The following CCDC40 variants were observed in gnomAD, a reference collection of about 807,000 sequenced individuals.
CCDC40 encodes the protein coiled-coil domain 40 molecular ruler complex subunit.
Under a neutral mutation model 124.5 loss-of-function variants are expected in CCDC40, and 104 were observed. That is an observed-to-expected ratio of 0.84 (90% confidence interval 0.71 to 0.98). The LOEUF (loss-of-function observed/expected upper bound fraction) is 0.98. CCDC40 is among the 50% of genes least tolerant of loss of function. The pLI is 0.00. For synonymous variants in CCDC40, 580 were observed against 602.9 expected, an observed-to-expected ratio of 0.96 and a Z score of 0.56; for missense variants, 1,463 against 1,503.9, an observed-to-expected ratio of 0.97 and a Z score of 0.45.
chr17:80,038,961 C>A (rs1467829600), intron 2 of CCDC40, among the ~76,000 whole-genome samples: 1 of 152,148 alleles, frequency 6.6e-6, no homozygotes, highest in African/African-American at 2.4e-5. Flanking sequence ...TTCTTCCTAC[C>A]CCATTCTACA....
chr17:80,077,757 C>T (rs1027864906), intron 10 of CCDC40, among the ~76,000 whole-genome samples: 8 of 152,204 alleles, frequency 5.3e-5, no homozygotes, highest in South Asian at 2.1e-4. Flanking sequence ...ATCTCTTCCC[C>T]GGCTTATTCG....
intron 16 of CCDC40, among the ~76,000 whole-genome samples, chr17:80,088,780 C>A (rs1020279671): frequency 6.6e-6 from 1 of 152,196 alleles, no homozygotes; most frequent in Non-Finnish European, 1.5e-5. Context: ...GCACTCCAGC[C>A]TGGGCGACAG....
chr17:80,062,439 T>A (rs2037927165), intron 9 of CCDC40, among the ~76,000 whole-genome samples: 1 of 151,594 alleles, frequency 6.6e-6, no homozygotes, highest in Non-Finnish European at 1.5e-5. Context: ...TATCTCCTAA[T>A]GCTATCTCTC....
At position 80,086,022 on chromosome 17, in the gene CCDC40, T is replaced by G. The variant is rs117203086; in HGVS notation, c.2255T>G (p.Leu752Arg). Residue 752 changes from leucine (L) to arginine (R), a missense_variant, in exon 14 of 20, where the codon CTG becomes CGG. By Grantham distance (102) the Leu-to-Arg change is moderately radical. Coordinates refer to ENST00000397545, the MANE Select transcript of CCDC40 (RefSeq NM_017950.4). The surrounding 1 kb of genome is among the most constrained non-coding windows in gnomAD (Gnocchi z 5.5). ...GTCTAGGGGGAAGAAGTGGGGCCCC[T>G]GGAGCTTGAAATCAAAAGGCTGAGC... ...SELGGEEVGP[L>R]ELEIKRLSKL... The G allele has an allele frequency of 2.5e-6, 4 of 1,614,000 alleles. No homozygotes were observed. Among genetic ancestry groups the G allele is most frequent in the Non-Finnish European group, 3.4e-6 (4 of 1,180,012 alleles).
chr17:80,071,151 C>T (rs1057228624), intron 10 of CCDC40, among the ~76,000 whole-genome samples: 3 of 152,184 alleles, frequency 2.0e-5, no homozygotes, highest in Non-Finnish European at 2.9e-5. Context: ...AAGCCTGGAC[C>T]GCACTTAACT....
intron 10 of CCDC40, among the ~76,000 whole-genome samples, chr17:80,068,325 G>A (rs1033864665): frequency 1.3e-5 from 2 of 152,298 alleles, no homozygotes; most frequent in Non-Finnish European, 2.9e-5. Flanking sequence ...GAGCCACTGC[G>A]CCCGGCCAGT....
At chr17:80,046,708 G>A (rs976464936) in intron 3 of CCDC40, among the ~76,000 whole-genome samples, 16 of 152,154 alleles carry the variant, frequency 1.1e-4, no homozygotes, top group South Asian at 4.1e-4. Flanking sequence ...GAAAGCATGC[G>A]GAAAAGCCTC....
Position 80,048,693 on chromosome 17 carries a change from G to T in CCDC40, c.787G>T (p.Glu263Ter). The change falls in exon 5 of 20, where the codon GAG (glutamate) becomes TAG (stop). Residue 263 changes from glutamate to a stop codon, truncating the protein, a stop_gained. Coordinates refer to ENST00000397545, the MANE Select transcript of CCDC40 (RefSeq NM_017950.4). LOFTEE classifies it high-confidence loss of function. ...TEEGAMAERV[E>*]SEGSDEEAED... Reference sequence around the variant, plus strand: ...GGAGGGGGCCATGGCAGAGAGAGTGGAGTCCGAGGGGAGTGACGAGGAAGC... The same window carrying T: ...GGAGGGGGCCATGGCAGAGAGAGTGTAGTCCGAGGGGAGTGACGAGGAAGC... 1 of 1,614,076 alleles carries T rather than the reference G, an allele frequency of 6.2e-7. No homozygotes were observed. The highest frequency in any genetic ancestry group is 8.5e-7 in the Non-Finnish European group (1 of 1,179,984).
intron 10 of CCDC40, among the ~76,000 whole-genome samples, chr17:80,072,198 C>G (rs1201215376): frequency 6.6e-6 from 1 of 152,118 alleles, no homozygotes; most frequent in South Asian, 2.1e-4. Flanking sequence ...TGCATCCCCA[C>G]CGTAAGCTGA....
intron 7 of CCDC40, among the ~76,000 whole-genome samples, chr17:80,056,016 A>ATATTTTTTTT (rs71163913): frequency 1.1e-3 from 11 of 10,246 alleles, no homozygotes; most frequent in African/African-American, 1.8e-3. Context: ...ATATATATAT[A>ATATTTTTTTT]TTTTTTTTTT....
chr17:80,090,774 G>T, intron 17 of CCDC40: 1 of 1,317,762 alleles, frequency 7.6e-7, no homozygotes, highest in Non-Finnish European at 9.7e-7. Flanking sequence ...ATAACAGTAA[G>T]AGCAGTTCAT....
At chr17:80,079,341 A>C (rs1312787692) in intron 10 of CCDC40, among the ~76,000 whole-genome samples, 5 of 152,166 alleles carry the variant, frequency 3.3e-5, no homozygotes, top group Non-Finnish European at 7.4e-5. Flanking sequence ...TCGTTCATAC[A>C]TATGCATTAT....
chr17:80,043,358 G>A (rs950024991), intron 3 of CCDC40, among the ~76,000 whole-genome samples: 1 of 152,150 alleles, frequency 6.6e-6, no homozygotes, highest in African/African-American at 2.4e-5. Flanking sequence ...CCTCATTGAT[G>A]CTGGGGTGTC....
At chr17:80,085,666 C>CTTT (rs5822324) in intron 13 of CCDC40, among the ~76,000 whole-genome samples, 1 of 110,008 alleles carries the variant, frequency 9.1e-6, no homozygotes, top group Non-Finnish European at 1.8e-5. Flanking sequence ...GCTAATTTTG[C>CTTT]TTTTTTTTTT....
chr17:80,052,981 A>G (rs1168288098), intron 7 of CCDC40, among the ~76,000 whole-genome samples: 3 of 152,228 alleles, frequency 2.0e-5, no homozygotes, highest in Admixed American at 2.0e-4. Flanking sequence ...TTCTTAACTA[A>G]AAAGCCAGTT....
intron 3 of CCDC40, among the ~76,000 whole-genome samples, chr17:80,044,724 T>A (rs1261730175): frequency 4.9e-4 from 68 of 139,094 alleles, no homozygotes; most frequent in Non-Finnish European, 6.3e-4. Context: ...AAAATATATA[T>A]ATATATATAT....
At chr17:80,044,160 T>C (rs1377197347) in intron 3 of CCDC40, among the ~76,000 whole-genome samples, 1 of 152,100 alleles carries the variant, frequency 6.6e-6, no homozygotes, top group Non-Finnish European at 1.5e-5. Context: ...TGCAAGGTCA[T>C]TGCATAGTCA....
Position 80,088,072 on chromosome 17 carries a change from C to G in CCDC40, c.2681C>G (p.Ala894Gly). The change falls in exon 16 of 20, where the codon GCG (alanine) becomes GGG (glycine). Residue 894 changes from alanine to glycine, a missense_variant. Coordinates refer to ENST00000397545, the MANE Select transcript of CCDC40 (RefSeq NM_017950.4). ...CTGAACCAGCTCAGCGAGGAGAAGG[C>G]GACCCTCCTGAATCAACTGGTGGAA... ...DKLNQLSEEK[A>G]TLLNQLVEAE... 6.2e-7 allele frequency: 1 copy of G among 1,613,606 alleles called. No homozygotes were observed. Among genetic ancestry groups the G allele is most frequent in the African/African-American group, 1.3e-5 (1 of 74,894 alleles).
chr17:80,094,938 C>T (rs1426680642), intron 17 of CCDC40, among the ~76,000 whole-genome samples: 1 of 152,168 alleles, frequency 6.6e-6, no homozygotes, highest in Non-Finnish European at 1.5e-5. Flanking sequence ...AAACTCTAAT[C>T]AGATTTCACC....
Sources: gnomAD v4.1 joint callset for allele counts (sites outside exome capture counted in the v4.1 genomes callset) on GRCh38, gnomAD v4.1.1 for gene constraint, Gnocchi (gnomAD v3.1) non-coding constraint, MANE v1.5 for transcripts, NCBI Gene and HGNC (gene_info 2026-07-23, HGNC 2026-07-21) for gene names.